The following ARHGEF6 variants were observed in gnomAD, a reference collection of about 807,000 sequenced individuals.
The protein encoded by ARHGEF6 is Rac/Cdc42 guanine nucleotide exchange factor 6.
Under a neutral mutation model 70.3 loss-of-function variants are expected in ARHGEF6, and 9 were observed. The ratio of observed to expected loss-of-function variants is 0.13; its 90% CI spans 0.08 to 0.22. The LOEUF (loss-of-function observed/expected upper bound fraction) is 0.22. Among genes scored for constraint, ARHGEF6 ranks in the 10% least tolerant of loss-of-function variants. The pLI is 1.00. For synonymous variants in ARHGEF6, 201 were observed against 207.8 expected (o/e 0.97, Z 0.28); for missense variants, 470 against 563.0 (o/e 0.83, Z 1.67).
intron 10 of ARHGEF6, among the ~76,000 whole-genome samples, chrX:136,688,444 G>T (rs112995039): frequency 0.056 from 6,161 of 110,221 alleles, 454 homozygotes; most frequent in African/African-American, 0.19. Context: ...AGGTCATGTT[G>T]TTGGTAGATG....
intron 6 of ARHGEF6, among the ~76,000 whole-genome samples, chrX:136,730,591 A>C (rs2076925014): frequency 8.9e-6 from 1 of 111,901 alleles, no homozygotes; most frequent in Admixed American, 9.5e-5. Context: ...TATCTACCAA[A>C]AAAAAACTGT....
rs768892480 is a variant in ARHGEF6 at position 136,730,421 on chromosome X, C to A, written c.732+1681G>T. Among the ~76,000 whole-genome samples the A allele has an allele frequency of 3.6e-5, 4 of 111,557 alleles. No homozygotes were observed. The South Asian group carries it at 1.5e-3, about 42-fold the overall frequency. On this transcript the variant is annotated intron_variant, in intron 6 of 21. Coordinates refer to ENST00000250617, the MANE Select transcript of ARHGEF6 (RefSeq NM_004840.3). Reference sequence around the variant, plus strand: ...CCAGAGAAATGTGGATTTAAAAAAACCAACCAACCAAAATCTCTTCACATC... The same window carrying A: ...CCAGAGAAATGTGGATTTAAAAAAAACAACCAACCAAAATCTCTTCACATC...
chrX:136,738,062 T>C (rs1399705543), intron 5 of ARHGEF6, among the ~76,000 whole-genome samples: 1 of 109,831 alleles, frequency 9.1e-6, no homozygotes. Context: ...CTTACCTGTC[T>C]TTCAGTGTTC....
chrX:136,674,543 C>T (rs1045766022), intron 19 of ARHGEF6, among the ~76,000 whole-genome samples: 1 of 112,266 alleles, frequency 8.9e-6, no homozygotes, highest in Non-Finnish European at 1.9e-5. Context: ...ATTTTCAGAG[C>T]AACTTTGAAA....
chrX:136,719,721 C>T (rs958955759), intron 6 of ARHGEF6, among the ~76,000 whole-genome samples: 1 of 110,740 alleles, frequency 9.0e-6, no homozygotes, highest in Non-Finnish European at 1.9e-5. Context: ...CAAAAGGTGG[C>T]TCTTTGAAAA....
At chrX:136,727,325 T>TTCTTTCTCTTTCTTTC (rs1556284733) in intron 6 of ARHGEF6, among the ~76,000 whole-genome samples, 4 of 61,114 alleles carry the variant, frequency 6.5e-5, no homozygotes, top group Non-Finnish European at 1.3e-4. Flanking sequence ...CTTTCTTTCT[T>TTCTTTCTCTTTCTTTC]TTTCTTTCTT....
In ARHGEF6 at chrX:136,780,893, G is replaced by T; in HGVS notation, c.-11C>A. The T allele has an allele frequency of 8.3e-7, 1 of 1,211,197 alleles. No individual in the cohort carries two copies. Among genetic ancestry groups the T allele is most frequent in the Non-Finnish European group, 1.1e-6 (1 of 895,310 alleles). ...TTCTTCTGGATTCATTACTGAGGAC[G>T]GTACACTCCAAACAGCACTCTGGGG... is the stretch of plus-strand genomic sequence containing the variant. On this transcript the variant is annotated 5_prime_UTR_variant, in exon 1 of 22. Coordinates refer to ENST00000250617, the MANE Select transcript of ARHGEF6 (RefSeq NM_004840.3).
At chrX:136,712,894 G>T (rs2076701306) in intron 7 of ARHGEF6, among the ~76,000 whole-genome samples, 1 of 112,124 alleles carries the variant, frequency 8.9e-6, no homozygotes, top group African/African-American at 3.2e-5. Context: ...AAGAAGTTCT[G>T]CCCTGGCAAA....
chrX:136,754,191 T>C (rs772802951), intron 2 of ARHGEF6, among the ~76,000 whole-genome samples: 5 of 111,666 alleles, frequency 4.5e-5, no homozygotes, highest in Non-Finnish European at 9.4e-5. Flanking sequence ...ACAGAGACTT[T>C]AGTTGAGTAT....
At chrX:136,674,639 A>G (rs1251395870) in intron 19 of ARHGEF6, among the ~76,000 whole-genome samples, 2 of 112,254 alleles carry the variant, frequency 1.8e-5, no homozygotes, top group African/African-American at 6.5e-5. Context: ...TGCCTATAAG[A>G]AGAGATTAGC....
At chrX:136,721,737 A>G (rs1031502500) in intron 6 of ARHGEF6, among the ~76,000 whole-genome samples, 1 of 111,525 alleles carries the variant, frequency 9.0e-6, no homozygotes, top group Non-Finnish European at 1.9e-5. Flanking sequence ...AGTTGATCTC[A>G]TAGAACTAGA....
chrX:136,672,175 A>C, intron 19 of ARHGEF6, 56 bp from the exon 20 acceptor site: 1 of 895,540 alleles, frequency 1.1e-6, no homozygotes. Context: ...TGAAGAGTAG[A>C]AATAGTGGGT....
At chrX:136,769,019 G>A (rs906676666) in intron 2 of ARHGEF6, among the ~76,000 whole-genome samples, 18 of 110,198 alleles carry the variant, frequency 1.6e-4, no homozygotes, top group African/African-American at 6.0e-4. Context: ...AAAGAGAGGA[G>A]GAAGAGAGGG....
At chrX:136,779,600 G>A (rs185171803) in intron 1 of ARHGEF6, 103 bp from the exon 2 acceptor site, 461 of 704,276 alleles carry the variant, frequency 6.5e-4, no homozygotes, top group Non-Finnish European at 9.8e-4. Context: ...CTCTTAAGGT[G>A]TGGGGCAACA....
At chrX:136,679,199 A>G (rs937769915) in intron 16 of ARHGEF6, among the ~76,000 whole-genome samples, 2 of 112,295 alleles carry the variant, frequency 1.8e-5, no homozygotes, top group African/African-American at 6.5e-5. Context: ...CAACTCAACT[A>G]CAATGAAGTG....
intron 2 of ARHGEF6, among the ~76,000 whole-genome samples, chrX:136,753,974 G>A (rs1259864364): frequency 9.0e-6 from 1 of 111,512 alleles, no homozygotes; most frequent in African/African-American, 3.3e-5. Context: ...AACTAATATG[G>A]ACTCCTAGAT....
chrX:136,700,484 G>A (rs986250868), intron 9 of ARHGEF6, among the ~76,000 whole-genome samples: 10 of 110,654 alleles, frequency 9.0e-5, no homozygotes, highest in African/African-American at 3.3e-4. Flanking sequence ...CTGAGATCGC[G>A]CCACTGCACT....
intron 11 of ARHGEF6, among the ~76,000 whole-genome samples, chrX:136,686,754 C>T (rs1412069792): frequency 2.3e-5 from 2 of 88,089 alleles, no homozygotes; most frequent in Non-Finnish European, 4.4e-5. Context: ...GCTTAAGAAA[C>T]TGTGAGGTTA....
Position 136,780,719 on chromosome X carries a change from T to G in ARHGEF6, c.164A>C (p.Lys55Thr). The change falls in exon 1 of 22, where the codon AAG (lysine) becomes ACG (threonine). Residue 55 changes from lysine to threonine, a missense_variant and splice_region_variant. Lys to Thr is a moderately conservative substitution (Grantham distance 78, BLOSUM62 -1). This residue lies in a region of ARHGEF6 where 379 missense variants were observed against 449.3 expected (regional missense o/e 0.84). Coordinates refer to ENST00000250617, the MANE Select transcript of ARHGEF6 (RefSeq NM_004840.3). ...INRLMPGSVE[K>T]FCLDPQTEAD... ...AAAGAGACTGCAAATTTCCCTTACC[T>G]TTTCCACAGAGCCAGGCATGAGTCT... is the stretch of plus-strand genomic sequence containing the variant. 8.3e-7 allele frequency: 1 copy of G among 1,209,992 alleles called. No individual in the cohort carries two copies. Among genetic ancestry groups the G allele is most frequent in the East Asian group, 3.0e-5 (1 of 33,830 alleles).
Sources: allele counts gnomAD v4.1 joint callset (sites outside exome capture counted in the v4.1 genomes callset), GRCh38; gene constraint gnomAD v4.1.1; regional missense constraint gnomAD v4.1.1; transcripts MANE v1.5; gene names NCBI Gene and HGNC (gene_info 2026-07-23, HGNC 2026-07-21).